Variants in ERBB4 observed in about 807,000 individuals in gnomAD.
The protein encoded by ERBB4 is receptor tyrosine-protein kinase erbB-4.
Under a neutral mutation model 158.0 loss-of-function variants are expected in ERBB4, and 42 were observed. The observed-to-expected ratio is 0.27, with a 90% CI of 0.21 to 0.34. The LOEUF (loss-of-function observed/expected upper bound fraction) is 0.34, where lower values mean the gene tolerates loss of function less well. ERBB4 is among the 10% of genes least tolerant of loss of function. The pLI, the probability that ERBB4 is intolerant of heterozygous loss-of-function variation, is 1.00. For synonymous variants in ERBB4, 583 were observed against 558.7 expected, an observed-to-expected ratio of 1.04 and a Z score of -0.61; for missense variants, 1,333 against 1,624.1, an observed-to-expected ratio of 0.82 and a Z score of 3.08.
At chr2:211,963,957 A>T (rs561505357) in intron 2 of ERBB4, among the ~76,000 whole-genome samples, 4 of 152,346 alleles carry the variant, frequency 2.6e-5, no homozygotes, top group African/African-American at 9.6e-5. Context: ...GGAACAAATG[A>T]AAAAATGAAT....
chr2:212,015,262 T>C (rs946421862), intron 2 of ERBB4, among the ~76,000 whole-genome samples: 1 of 150,172 alleles, frequency 6.7e-6, no homozygotes, highest in African/African-American at 2.5e-5. Context: ...CGAGACACTG[T>C]CTCAATAAAA....
At chr2:212,218,374 A>G (rs764394491) in intron 1 of ERBB4, among the ~76,000 whole-genome samples, 9 of 151,348 alleles carry the variant, frequency 5.9e-5, no homozygotes, top group Non-Finnish European at 1.2e-4. Flanking sequence ...TCAAAGAGTA[A>G]AACATCCTGG....
intron 1 of ERBB4, among the ~76,000 whole-genome samples, chr2:212,410,188 T>C (rs2091456372): frequency 6.6e-6 from 1 of 152,026 alleles, no homozygotes; most frequent in Non-Finnish European, 1.5e-5. Flanking sequence ...TATTAAGAAA[T>C]GTATGATACC....
In ERBB4 at chr2:211,964,411, G is replaced by A. The variant is rs373817154; in HGVS notation, c.235-16795C>T. Among the ~76,000 whole-genome samples, 136 of 152,022 alleles carry A rather than the reference G, an allele frequency of 8.9e-4. 3 individuals carry two copies. In the South Asian group the frequency reaches 0.024, roughly 26 times the overall value. Reference sequence around the variant, plus strand: ...GCTAACTTTCAACAGATGTTTTTTCGGAATTACGTTAAACTAGAAAATGTA... The same window carrying A: ...GCTAACTTTCAACAGATGTTTTTTCAGAATTACGTTAAACTAGAAAATGTA... On this transcript the variant is annotated intron_variant, in intron 2 of 27. Transcript: ENST00000342788.
chr2:211,681,538 G>A (rs1214966891), intron 12 of ERBB4, among the ~76,000 whole-genome samples: 7 of 152,180 alleles, frequency 4.6e-5, no homozygotes, highest in Non-Finnish European at 7.4e-5. Flanking sequence ...GATGTGGTCA[G>A]TTTGTTCAAT....
At chr2:212,339,820 A>G (rs2106316320) in intron 1 of ERBB4, among the ~76,000 whole-genome samples, 1 of 152,272 alleles carries the variant, frequency 6.6e-6, no homozygotes, top group Non-Finnish European at 1.5e-5. Context: ...AGGATACACT[A>G]TAATATTATT....
intron 1 of ERBB4, among the ~76,000 whole-genome samples, chr2:212,319,068 C>CAG (rs1272443926): frequency 2.0e-5 from 3 of 151,594 alleles, no homozygotes; most frequent in Admixed American, 6.6e-5. Context: ...TCCAATACCT[C>CAG]AGGACTGTGA....
chr2:212,225,488 A>G (rs2083441471), intron 1 of ERBB4, among the ~76,000 whole-genome samples: 2 of 144,336 alleles, frequency 1.4e-5, no homozygotes, highest in Admixed American at 7.2e-5. Context: ...TCTGTCAAAA[A>G]TAAGTTTGAA....
At chr2:212,308,947 C>A (rs993461907) in intron 1 of ERBB4, among the ~76,000 whole-genome samples, 2 of 150,728 alleles carry the variant, frequency 1.3e-5, no homozygotes, top group Non-Finnish European at 3.0e-5. Context: ...TAAAAATAAC[C>A]CCAGCTGAAG....
In ERBB4 at chr2:211,479,338, C is replaced by T. The variant is rs373675888; in HGVS notation, c.2488-48238G>A. 1.1e-4 allele frequency among the ~76,000 whole-genome samples: 16 copies of T among 152,288 alleles called. No individual in the cohort carries two copies. In the South Asian group the frequency reaches 3.1e-3, roughly 30 times the overall value. Reference sequence around the variant, plus strand: ...AATTTCCTTCTATCCCTGGGTAATGCCTCCAGTCCAAAACCATCAAGACAT... The same window carrying T: ...AATTTCCTTCTATCCCTGGGTAATGTCTCCAGTCCAAAACCATCAAGACAT... On this transcript the variant is annotated intron_variant, in intron 20 of 27. Coordinates refer to ENST00000342788, the MANE Select transcript of ERBB4 (RefSeq NM_005235.3).
chr2:212,428,177 G>T (rs2105929643), intron 1 of ERBB4, among the ~76,000 whole-genome samples: 1 of 152,194 alleles, frequency 6.6e-6, no homozygotes, highest in South Asian at 2.1e-4. Flanking sequence ...AATTGGGCAT[G>T]AATTTTATAT....
intron 1 of ERBB4, among the ~76,000 whole-genome samples, chr2:212,370,822 T>C (rs959473317): frequency 6.6e-6 from 1 of 152,168 alleles, no homozygotes; most frequent in African/African-American, 2.4e-5. Flanking sequence ...CAATAAATGA[T>C]AACTCTTTAC....
chr2:212,153,772 T>C (rs1465406039), intron 1 of ERBB4, among the ~76,000 whole-genome samples: 1 of 152,190 alleles, frequency 6.6e-6, no homozygotes, highest in Admixed American at 6.6e-5. Context: ...TGGCACTTTC[T>C]AGTTCCAGTG....
chr2:211,504,366 C>A (rs2065692126), intron 20 of ERBB4, among the ~76,000 whole-genome samples: 1 of 151,882 alleles, frequency 6.6e-6, no homozygotes, highest in Admixed American at 6.5e-5. Flanking sequence ...CATACAGAAC[C>A]TTGGCCCTCT....
At chr2:211,880,161 T>C (rs926967094) in intron 3 of ERBB4, among the ~76,000 whole-genome samples, 1 of 152,102 alleles carries the variant, frequency 6.6e-6, no homozygotes, top group Admixed American at 6.6e-5. Context: ...AGTGTTTTGT[T>C]TTCTTCTGTC....
At chr2:211,646,203 G>C (rs2070777000) in intron 16 of ERBB4, among the ~76,000 whole-genome samples, 1 of 151,202 alleles carries the variant, frequency 6.6e-6, no homozygotes, top group African/African-American at 2.4e-5. Context: ...ATGTGTGGAA[G>C]GACTAATACA....
chr2:211,492,508 T>C (rs1331109318), intron 20 of ERBB4, among the ~76,000 whole-genome samples: 1 of 152,112 alleles, frequency 6.6e-6, no homozygotes, highest in Non-Finnish European at 1.5e-5. Flanking sequence ...TCTAGGTATT[T>C]TGCATAAATA....
chr2:211,439,923 AT>A (rs112586743), intron 20 of ERBB4, among the ~76,000 whole-genome samples: 3 of 151,858 alleles, frequency 2.0e-5, no homozygotes, highest in Non-Finnish European at 4.4e-5. Context: ...AGATAACAGA[AT>A]TTTTTTTTCT....
intron 2 of ERBB4, among the ~76,000 whole-genome samples, chr2:212,043,587 T>C (rs959093151): frequency 2.6e-5 from 4 of 152,124 alleles, no homozygotes; most frequent in African/African-American, 9.7e-5. Context: ...TATTAATACA[T>C]TGTAAATAAG....
Sources: allele counts gnomAD v4.1 joint callset (sites outside exome capture counted in the v4.1 genomes callset), GRCh38; gene constraint gnomAD v4.1.1; transcripts MANE v1.5; gene names NCBI Gene and HGNC (gene_info 2026-07-23, HGNC 2026-07-21).